Variants in CALCR observed in about 807,000 individuals in gnomAD.
The protein encoded by CALCR is calcitonin receptor.
Under a neutral mutation model 59.5 loss-of-function variants are expected in CALCR, and 47 were observed. The ratio of observed to expected loss-of-function variants is 0.79; its 90% CI spans 0.63 to 1.01. CALCR has a LOEUF of 1.01. Ranked by LOEUF, CALCR falls within the 50% of genes least tolerant of loss-of-function variation. CALCR has a pLI of 0.00. For missense variants in CALCR, 566 were observed against 597.1 expected, an observed-to-expected ratio of 0.95 and a Z score of 0.54; for synonymous variants, 213 against 211.3, an observed-to-expected ratio of 1.01 and a Z score of -0.07.
chr7:93,549,091 T>C (rs1407027985), intron 2 of CALCR, among the ~76,000 whole-genome samples: 1 of 152,168 alleles, frequency 6.6e-6, no homozygotes, highest in Non-Finnish European at 1.5e-5. Context: ...ATACAGAATT[T>C]CTAATTGTTA....
intron 8 of CALCR, among the ~76,000 whole-genome samples, chr7:93,456,409 AG>A (rs1800208912): frequency 6.6e-6 from 1 of 151,830 alleles, no homozygotes; most frequent in South Asian, 2.1e-4. Flanking sequence ...AAAATATCCA[AG>A]TTTTTTGCCT....
chr7:93,529,236 A>C (rs2116124569), intron 2 of CALCR, among the ~76,000 whole-genome samples: 1 of 152,172 alleles, frequency 6.6e-6, no homozygotes, highest in African/African-American at 2.4e-5. Context: ...TTCTAGTGAT[A>C]GTGATGAGTT....
In CALCR at chr7:93,458,593, G is replaced by A. The variant is rs572740198; in HGVS notation, c.648+2228C>T. 2.0e-5 allele frequency among the ~76,000 whole-genome samples: 3 copies of A among 152,230 alleles called. No homozygotes were observed. The South Asian group carries it at 6.2e-4, about 32-fold the overall frequency. ...CTATGGGGACCATCAGTAGAGACTG[G>A]AATATGAGAGTGAGTGAACAAGGGA... On this transcript the variant is annotated intron_variant, in intron 8 of 13. Transcript: ENST00000426151.
At position 93,537,021 on chromosome 7, in the gene CALCR, A is replaced by G. The variant is rs368844036; in HGVS notation, c.-27+37268T>C. ...ATAAATATCAAAAATTATAAAGAAC[A>G]TGGATTGGTAAATCTGGATAAAGAA... On this transcript the variant is annotated intron_variant, in intron 2 of 13. Coordinates refer to ENST00000426151, the MANE Select transcript of CALCR (RefSeq NM_001742.4). Among the ~76,000 whole-genome samples, 47 of 151,860 alleles carry G rather than the reference A, an allele frequency of 3.1e-4. No homozygotes were observed. The Middle Eastern group carries it at 0.017, about 55-fold the overall frequency.
chr7:93,499,555 T>C (rs888225469), intron 2 of CALCR, among the ~76,000 whole-genome samples: 4 of 151,830 alleles, frequency 2.6e-5, no homozygotes, highest in Non-Finnish European at 5.9e-5. Context: ...GTTGGTCTCT[T>C]GATTAGCAGA....
chr7:93,488,466 T>G (rs1800997069), intron 2 of CALCR, among the ~76,000 whole-genome samples: 1 of 149,380 alleles, frequency 6.7e-6, no homozygotes, highest in Non-Finnish European at 1.5e-5. Context: ...ACTGGCAAAT[T>G]GAATAAAAAG....
chr7:93,439,803 C>CAA (rs1799862952), intron 9 of CALCR, among the ~76,000 whole-genome samples: 1 of 152,026 alleles, frequency 6.6e-6, no homozygotes, highest in Non-Finnish European at 1.5e-5. Flanking sequence ...AGGGGAAAAC[C>CAA]AGCAAGGCAA....
chr7:93,454,756 CT>C (rs755605562), intron 8 of CALCR, among the ~76,000 whole-genome samples: 1 of 151,770 alleles, frequency 6.6e-6, no homozygotes, highest in Non-Finnish European at 1.5e-5. Flanking sequence ...TTGAGTTTAA[CT>C]TTTTTTAAAA....
intron 12 of CALCR, among the ~76,000 whole-genome samples, chr7:93,435,258 A>C (rs1799746940): frequency 1.3e-5 from 2 of 152,244 alleles, no homozygotes; most frequent in African/African-American, 4.8e-5. Flanking sequence ...TGACAAATGG[A>C]GAGTGATAGA....
At chr7:93,453,478 GTGTCAC>G (rs1271534766) in intron 8 of CALCR, among the ~76,000 whole-genome samples, 4 of 152,002 alleles carry the variant, frequency 2.6e-5, no homozygotes, top group Non-Finnish European at 5.9e-5. Flanking sequence ...ATCAAATCGA[GTGTCAC>G]TTCACAACGT....
chr7:93,553,937 C>T (rs952395138), intron 2 of CALCR, among the ~76,000 whole-genome samples: 1 of 152,132 alleles, frequency 6.6e-6, no homozygotes, highest in African/African-American at 2.4e-5. Context: ...TCCCACTGCA[C>T]CTAGATGTGA....
At chr7:93,429,927 TTTG>T (rs545782961) in intron 13 of CALCR, among the ~76,000 whole-genome samples, 8 of 29,686 alleles carry the variant, frequency 2.7e-4, no homozygotes, top group South Asian at 1.5e-3. Context: ...TTTTTTTTTG[TTTG>T]TTTGTTTTTT....
At chr7:93,467,691 C>T (rs2115836694) in intron 7 of CALCR, among the ~76,000 whole-genome samples, 1 of 151,510 alleles carries the variant, frequency 6.6e-6, no homozygotes, top group South Asian at 2.1e-4. Context: ...AATCACTGTA[C>T]ATTTAATCAC....
At chr7:93,526,195 A>G (rs1029931021) in intron 2 of CALCR, among the ~76,000 whole-genome samples, 3 of 152,124 alleles carry the variant, frequency 2.0e-5, no homozygotes, top group Non-Finnish European at 4.4e-5. Context: ...TTTTGTTTGT[A>G]TGTTTGTTTA....
Position 93,426,258 on chromosome 7 carries a change from A to G in CALCR, c.*98T>C, listed in dbSNP as rs1318858906. ...CACTGAATAATTCTTCACAAATGAT[A>G]TGTTCGGTTCCTGGGAGGATGGAGA... On this transcript the variant is annotated 3_prime_UTR_variant, in exon 14 of 14. Coordinates refer to ENST00000426151, the MANE Select transcript of CALCR (RefSeq NM_001742.4). 2.8e-6 allele frequency: 2 copies of G among 717,398 alleles called. No homozygotes were observed. The highest frequency in any genetic ancestry group is 5.0e-6 in the Non-Finnish European group (2 of 399,374). The allele number at this position is 717,398 out of a possible 1,614,324, so 44.4% of individuals were successfully genotyped here. A position where few individuals can be genotyped will look rare whatever the true frequency, so the allele number is the denominator to read the frequency against.
rs185607857 is a variant in CALCR at position 93,462,627 on chromosome 7, T to C, written c.522-1680A>G. Among the ~76,000 whole-genome samples the C allele has an allele frequency of 2.6e-5, 4 of 152,236 alleles. No individual in the cohort carries two copies. In the East Asian group the frequency reaches 7.7e-4, roughly 29 times the overall value. On this transcript the variant is annotated intron_variant, in intron 7 of 13. Coordinates refer to ENST00000426151, the MANE Select transcript of CALCR (RefSeq NM_001742.4). ...AATTCAGCCTGGCTTAGACCAATGA[T>C]AATTGACATTATCTAGAACTAAGGA...
chr7:93,438,446 C>T (rs969316775), intron 9 of CALCR, among the ~76,000 whole-genome samples, 176 bp from the exon 10 acceptor site: 2 of 152,146 alleles, frequency 1.3e-5, no homozygotes, highest in Non-Finnish European at 2.9e-5. Flanking sequence ...CAAAATGCTC[C>T]CAGTTAGAAC....
At chr7:93,460,349 T>A (rs1467116032) in intron 8 of CALCR, among the ~76,000 whole-genome samples, 1 of 149,768 alleles carries the variant, frequency 6.7e-6, no homozygotes, top group Non-Finnish European at 1.5e-5. Context: ...AAGTCAGGAG[T>A]TCAAGATCAG....
chr7:93,456,952 G>A (rs1800221235), intron 8 of CALCR, among the ~76,000 whole-genome samples: 1 of 152,124 alleles, frequency 6.6e-6, no homozygotes, highest in Non-Finnish European at 1.5e-5. Context: ...CAGGTCCCTA[G>A]ACACCTGCTT....
Sources: allele counts gnomAD v4.1 joint callset (sites outside exome capture counted in the v4.1 genomes callset), GRCh38; gene constraint gnomAD v4.1.1; transcripts MANE v1.5; gene names NCBI Gene and HGNC (gene_info 2026-07-23, HGNC 2026-07-21).